Variants in KCNQ1 observed in about 807,000 individuals in gnomAD.
KCNQ1 encodes the protein potassium voltage-gated channel subfamily KQT member 1.
A neutral mutation model predicts 72.4 loss-of-function variants in KCNQ1; 49 were observed. The ratio of observed to expected loss-of-function variants is 0.68; its 90% CI spans 0.54 to 0.86. The LOEUF (loss-of-function observed/expected upper bound fraction) is 0.86, where lower values mean the gene tolerates loss of function less well. Ranked by LOEUF, KCNQ1 falls within the 40% of genes least tolerant of loss-of-function variation. The pLI, the probability that KCNQ1 is intolerant of heterozygous loss-of-function variation, is 0.00. For missense variants in KCNQ1, 790 were observed against 945.1 expected, an observed-to-expected ratio of 0.84 and a Z score of 2.15; for synonymous variants, 450 against 412.6, an observed-to-expected ratio of 1.09 and a Z score of -1.10.
At chr11:2,702,673 T>C (rs1328184147) in intron 11 of KCNQ1, among the ~76,000 whole-genome samples, 1 of 152,130 alleles carries the variant, frequency 6.6e-6, no homozygotes, top group African/African-American at 2.4e-5. Context: ...GACCCCAAGC[T>C]CCTGGGCACT....
intron 1 of KCNQ1, chr11:2,461,503 T>C (rs1271347716): frequency 7.6e-7 from 1 of 1,313,210 alleles, no homozygotes; most frequent in East Asian, 5.1e-5. Context: ...GCACTGTCTT[T>C]GCGCCTGCAC....
intron 1 of KCNQ1, among the ~76,000 whole-genome samples, chr11:2,469,114 G>A (rs908565484): frequency 1.4e-4 from 22 of 152,206 alleles, no homozygotes; most frequent in Admixed American, 3.3e-4. Context: ...TCTAACAGGT[G>A]TGTCGGGGCC....
Position 2,682,862 on chromosome 11 carries a change from G to A in KCNQ1, c.1514+20781G>A. 1 of 398,606 alleles carries A rather than the reference G, an allele frequency of 2.5e-6. No individual in the cohort carries two copies. The highest frequency in any genetic ancestry group is 4.4e-6 in the Non-Finnish European group (1 of 226,068). 24.7% of individuals were successfully genotyped at this position (398,606 alleles called of 1,614,324 possible). ...AGACCATCTCAGTTTTGTAGACCAG[G>A]AAACTGAGGCTTGGGGATAGCAGAT... On this transcript the variant is annotated intron_variant, in intron 11 of 15. Transcript: ENST00000155840. The surrounding 1 kb of genome is among the most constrained non-coding windows in gnomAD (Gnocchi z 5.8).
Position 2,811,460 on chromosome 11 carries a change from C to T in KCNQ1, c.1794+33423C>T, listed in dbSNP as rs149341432. Among the ~76,000 whole-genome samples, 3 of 152,370 alleles carry T rather than the reference C, an allele frequency of 2.0e-5. No homozygotes were observed. The East Asian group carries it at 5.8e-4, about 29-fold the overall frequency. ...ATGGGCCTGCACGCATGAGGCTGTG[C>T]CTGTGTCTGTGCCGCTGGAGACCTT... On this transcript the variant is annotated intron_variant, in intron 15 of 15. Coordinates refer to ENST00000155840, the MANE Select transcript of KCNQ1 (RefSeq NM_000218.3).
At chr11:2,702,497 A>C (rs777697560) in intron 11 of KCNQ1, among the ~76,000 whole-genome samples, 94 of 152,214 alleles carry the variant, frequency 6.2e-4, no homozygotes, top group Non-Finnish European at 1.2e-3. Context: ...TTGAAAACTG[A>C]TTTGTAAAGT....
At position 2,813,159 on chromosome 11, in the gene KCNQ1, C is replaced by T. The variant is rs999150154; in HGVS notation, c.1795-34608C>T. Among the ~76,000 whole-genome samples the T allele has an allele frequency of 2.0e-5, 3 of 152,224 alleles. No individual in the cohort carries two copies. The highest frequency in any genetic ancestry group is 7.2e-5 in the African/African-American group (3 of 41,452). ...GAACCCGACAGACTGTGAGCCCTGT[C>T]TTCCTCTTGGCACCATGAGTCACCT... On this transcript the variant is annotated intron_variant, in intron 15 of 15. Transcript: ENST00000155840. This position sits in a 1 kb window ranked among gnomAD's most constrained non-coding sequence, Gnocchi z 4.4.
In KCNQ1 at chr11:2,601,705, A is replaced by G. The variant is rs1170967113; in HGVS notation, c.1393+12851A>G. 2.6e-5 allele frequency among the ~76,000 whole-genome samples: 4 copies of G among 152,334 alleles called. No individual in the cohort carries two copies. In the East Asian group the frequency reaches 7.7e-4, roughly 29 times the overall value. The stretch of plus-strand genomic sequence containing the variant: ...TAGAAACGGGGTCTTTTGGCTCGGC[A>G]TCATTCTCTGGATTCATTCCGGTTG... On this transcript the variant is annotated intron_variant, in intron 10 of 15. Transcript: ENST00000155840. This position sits in a 1 kb window ranked among gnomAD's most constrained non-coding sequence, Gnocchi z 5.2.
Position 2,613,157 on chromosome 11 carries a change from G to A in KCNQ1, c.1393+24303G>A. ...CTCTGCTGAGGGGATCTATGTGTGG[G>A]TTGGGACATTCAAAGTTCAGGCACT... On this transcript the variant is annotated intron_variant, in intron 10 of 15. Transcript: ENST00000155840. The surrounding 1 kb of genome is among the most constrained non-coding windows in gnomAD (Gnocchi z 4.8). 1 of 398,548 alleles carries A rather than the reference G, an allele frequency of 2.5e-6. No individual in the cohort carries two copies. The highest frequency in any genetic ancestry group is 3.6e-5 in the East Asian group (1 of 28,068). The allele number at this position is 398,548 out of a possible 1,614,324, so 24.7% of individuals were successfully genotyped here. A position where few individuals can be genotyped will look rare whatever the true frequency, so the allele number is the denominator to read the frequency against.
Position 2,482,410 on chromosome 11 carries a change from G to A in KCNQ1, c.386+36926G>A, listed in dbSNP as rs1204317236. Among the ~76,000 whole-genome samples the A allele has an allele frequency of 6.6e-6, 1 of 152,128 alleles. No homozygotes were observed. Among genetic ancestry groups the A allele is most frequent in the Non-Finnish European group, 1.5e-5 (1 of 68,034 alleles). The stretch of plus-strand genomic sequence containing the variant: ...GAACGTAATCAACTCTCTATTGACG[G>A]CTGGGTTATTTCCTAATTGACTGCT... On this transcript the variant is annotated intron_variant, in intron 1 of 15. Coordinates refer to ENST00000155840, the MANE Select transcript of KCNQ1 (RefSeq NM_000218.3). This position sits in a 1 kb window ranked among gnomAD's most constrained non-coding sequence, Gnocchi z 5.7.
In KCNQ1 at chr11:2,516,037, C is replaced by T. The variant is rs529391440; in HGVS notation, c.387-11891C>T. On this transcript the variant is annotated intron_variant, in intron 1 of 15. Transcript: ENST00000155840. The surrounding 1 kb of genome is among the most constrained non-coding windows in gnomAD (Gnocchi z 7.0). ...GAGCCCCTGGGCCTATCCGCCCACGCCCAGGCCAGGGCTCCTGCTGGAATC... is the reference window on the plus strand; with the variant it reads ...GAGCCCCTGGGCCTATCCGCCCACGTCCAGGCCAGGGCTCCTGCTGGAATC... Among the ~76,000 whole-genome samples, 2 of 152,218 alleles carry T rather than the reference C, an allele frequency of 1.3e-5. No individual in the cohort carries two copies. The highest frequency in any genetic ancestry group is 3.9e-4 in the East Asian group (2 of 5,154).
chr11:2,597,311 C>T (rs1848746808), intron 10 of KCNQ1, among the ~76,000 whole-genome samples: 1 of 152,110 alleles, frequency 6.6e-6, no homozygotes, highest in Admixed American at 6.6e-5. Flanking sequence ...ATGCATATGC[C>T]TTTGAATCAT....
Position 2,446,602 on chromosome 11 carries a change from C to T in KCNQ1, c.386+1118C>T, listed in dbSNP as rs941995545. ...CCAGGCCCCAAATGGCTTCAAGCAT[C>T]GTCTCAGGTGAGGGGGTGGGGTAGG... is the stretch of plus-strand genomic sequence containing the variant. On this transcript the variant is annotated intron_variant, in intron 1 of 15. Transcript: ENST00000155840. This position sits in a 1 kb window ranked among gnomAD's most constrained non-coding sequence, Gnocchi z 8.8. Among the ~76,000 whole-genome samples, 4 of 152,152 alleles carry T rather than the reference C, an allele frequency of 2.6e-5. No homozygotes were observed. Among genetic ancestry groups the T allele is most frequent in the African/African-American group, 7.2e-5 (3 of 41,448 alleles).
chr11:2,834,967 C>T (rs189077352), intron 15 of KCNQ1, among the ~76,000 whole-genome samples: 8 of 152,218 alleles, frequency 5.3e-5, no homozygotes, highest in African/African-American at 1.9e-4. Context: ...CAGCCCAGGG[C>T]CCCCAGGCCT....
chr11:2,832,215 G>T (rs1847966579), intron 15 of KCNQ1, among the ~76,000 whole-genome samples: 1 of 152,206 alleles, frequency 6.6e-6, no homozygotes, highest in African/African-American at 2.4e-5. Context: ...AGTGGGGGTT[G>T]CCCGGCATCT....
At position 2,769,144 on chromosome 11, in the gene KCNQ1, AG is replaced by A. The variant is rs1385704667; in HGVS notation, c.1590+228del. 6.6e-6 allele frequency among the ~76,000 whole-genome samples: 1 copy of A among 152,102 alleles called. No individual in the cohort carries two copies. Among genetic ancestry groups the A allele is most frequent in the East Asian group, 1.9e-4 (1 of 5,152 alleles). ...ATCCTTGGAGGCCCGGCCTGGAACC[AG>A]GGACACATGCAGTGTCTTCTTCACC... On this transcript the variant is annotated intron_variant, in intron 12 of 15. Transcript: ENST00000155840. The surrounding 1 kb of genome is among the most constrained non-coding windows in gnomAD (Gnocchi z 4.6).
intron 11 of KCNQ1, chr11:2,694,691 C>T (rs973843604): frequency 2.5e-6 from 1 of 398,644 alleles, no homozygotes; most frequent in Admixed American, 4.4e-5. Context: ...CAGATATGCT[C>T]TCTTGGGGCC....
chr11:2,664,434 C>A lies in KCNQ1; in HGVS notation c.1514+2353C>A, dbSNP rs905309467. Reference sequence around the variant, plus strand: ...CACGTACAGTGTCAGGGCCTAGGAACCCAGGCTCCTCTGGGATACAGGCTG... The same window carrying A: ...CACGTACAGTGTCAGGGCCTAGGAAACCAGGCTCCTCTGGGATACAGGCTG... On this transcript the variant is annotated intron_variant, in intron 11 of 15. Transcript: ENST00000155840. The surrounding 1 kb of genome is among the most constrained non-coding windows in gnomAD (Gnocchi z 5.1). 4 of 398,496 alleles carry A rather than the reference C, an allele frequency of 1.0e-5. No homozygotes were observed. The highest frequency in any genetic ancestry group is 4.4e-5 in the Admixed American group (1 of 22,710). The allele number at this position is 398,496 out of a possible 1,614,324, so 24.7% of individuals were successfully genotyped here.
In KCNQ1 at chr11:2,815,686, G is replaced by T. The variant is rs947439009; in HGVS notation, c.1795-32081G>T. Among the ~76,000 whole-genome samples the T allele has an allele frequency of 6.6e-6, 1 of 152,006 alleles. No individual in the cohort carries two copies. Among genetic ancestry groups the T allele is most frequent in the Non-Finnish European group, 1.5e-5 (1 of 67,982 alleles). Reference sequence around the variant, plus strand: ...CTGACCCCAGTCCCTCCCTATGCAGGCAGAGGGGCAATTGGAAGAGGCTGG... The same window carrying T: ...CTGACCCCAGTCCCTCCCTATGCAGTCAGAGGGGCAATTGGAAGAGGCTGG... On this transcript the variant is annotated intron_variant, in intron 15 of 15. Transcript: ENST00000155840. This position sits in a 1 kb window ranked among gnomAD's most constrained non-coding sequence, Gnocchi z 5.4.
In KCNQ1 at chr11:2,572,977, GT is replaced by G; in HGVS notation, c.913del (p.Trp305GlyfsTer49). On this transcript the variant is annotated frameshift_variant, in exon 6 of 16. Transcript: ENST00000155840. LOFTEE classifies it high-confidence loss of function. ...TCGGCAGCTACGCAGATGCGCTGTG[GT>G]GGGGGGTGGTAAGTCGGAAACTTCC... Reference protein sequence around the residue: ...EFGSYADALWWGVVTVTTIGY... With the variant: ...EFGSYADALWXGVVTVTTIGY... 1 of 1,613,240 alleles carries G rather than the reference GT, an allele frequency of 6.2e-7. No homozygotes were observed. Among genetic ancestry groups the G allele is most frequent in the South Asian group, 1.1e-5 (1 of 91,072 alleles).
Sources: allele counts gnomAD v4.1 joint callset (sites outside exome capture counted in the v4.1 genomes callset), GRCh38; gene constraint gnomAD v4.1.1; non-coding constraint Gnocchi (gnomAD v3.1); transcripts MANE v1.5; gene names NCBI Gene and HGNC (gene_info 2026-07-23, HGNC 2026-07-21).